Variants in ANKS1B observed in about 807,000 individuals in gnomAD.
ANKS1B encodes the protein ankyrin repeat and sterile alpha motif domain containing 1B.
In ANKS1B, 36 loss-of-function variants were observed where a neutral mutation model predicts 148.3. That is an observed-to-expected ratio of 0.24 (90% CI 0.19 to 0.32). ANKS1B has a LOEUF of 0.32. Among genes scored for constraint, ANKS1B ranks in the 10% least tolerant of loss-of-function variants. The probability of loss-of-function intolerance (pLI) is 1.00; values close to 1 mark genes in which losing one functional copy is unlikely to be tolerated. For synonymous variants in ANKS1B, 542 were observed against 560.8 expected (o/e 0.97, Z 0.47); for missense variants, 1,157 against 1,542.6 (o/e 0.75, Z 4.19).
At chr12:99,627,055 C>T (rs750019320) in intron 9 of ANKS1B, among the ~76,000 whole-genome samples, 3 of 152,082 alleles carry the variant, frequency 2.0e-5, no homozygotes, top group South Asian at 4.1e-4. Context: ...AGAATGTTAG[C>T]GCCTGATAAG....
intron 1 of ANKS1B, among the ~76,000 whole-genome samples, chr12:99,958,946 T>C (rs887282307): frequency 2.0e-5 from 3 of 152,054 alleles, no homozygotes; most frequent in African/African-American, 4.8e-5. Flanking sequence ...AGATGTTCAA[T>C]AGGACACCGG....
At chr12:99,281,796 C>T (rs1369733918) in intron 12 of ANKS1B, among the ~76,000 whole-genome samples, 1 of 152,156 alleles carries the variant, frequency 6.6e-6, no homozygotes, top group Admixed American at 6.6e-5. Flanking sequence ...TTAATTCATT[C>T]ATCACTATTA....
intron 17 of ANKS1B, among the ~76,000 whole-genome samples, chr12:98,884,399 T>C (rs1367991686): frequency 6.6e-6 from 1 of 152,262 alleles, no homozygotes; most frequent in African/African-American, 2.4e-5. Context: ...AAAGAGTTCA[T>C]ACATATGTAC....
At chr12:99,775,835 G>A (rs1293073960) in intron 6 of ANKS1B, among the ~76,000 whole-genome samples, 174 bp from the exon 7 acceptor site, 2 of 151,950 alleles carry the variant, frequency 1.3e-5, no homozygotes, top group Non-Finnish European at 2.9e-5. Context: ...ACGCCATGAT[G>A]AGCTATTTAA....
intron 22 of ANKS1B, among the ~76,000 whole-genome samples, chr12:98,788,496 T>A (rs2098818455): frequency 6.6e-6 from 1 of 152,204 alleles, no homozygotes; most frequent in Non-Finnish European, 1.5e-5. Context: ...AGGACTTTTC[T>A]GGTCATAGGA....
chr12:99,441,005 C>G (rs1477123733), intron 11 of ANKS1B, among the ~76,000 whole-genome samples: 1 of 151,732 alleles, frequency 6.6e-6, no homozygotes, highest in African/African-American at 2.4e-5. Flanking sequence ...GAATAAGGGT[C>G]ACATTTACAT....
intron 10 of ANKS1B, among the ~76,000 whole-genome samples, chr12:99,480,729 T>C (rs1307527581): frequency 6.6e-6 from 1 of 151,868 alleles, no homozygotes; most frequent in Non-Finnish European, 1.5e-5. Flanking sequence ...TTGTATTCAA[T>C]GAACAGTTGT....
intron 22 of ANKS1B, among the ~76,000 whole-genome samples, chr12:98,784,211 C>G (rs1320090912): frequency 6.6e-6 from 1 of 152,132 alleles, no homozygotes; most frequent in Non-Finnish European, 1.5e-5. Context: ...GGAAATCCAC[C>G]TACATACATG....
intron 15 of ANKS1B, among the ~76,000 whole-genome samples, chr12:99,148,438 A>G (rs2073896203): frequency 1.3e-5 from 2 of 151,594 alleles, no homozygotes; most frequent in Non-Finnish European, 2.9e-5. Flanking sequence ...TCTGAAAGCC[A>G]TTCTTCTAAG....
chr12:99,918,508 G>A (rs1261119696), intron 1 of ANKS1B, among the ~76,000 whole-genome samples: 3 of 152,162 alleles, frequency 2.0e-5, no homozygotes, highest in African/African-American at 7.2e-5. Context: ...TGAGGAATGA[G>A]GCACGAGGAA....
At chr12:98,926,108 T>C (rs1406353988) in intron 17 of ANKS1B, among the ~76,000 whole-genome samples, 1 of 152,152 alleles carries the variant, frequency 6.6e-6, no homozygotes, top group Non-Finnish European at 1.5e-5. Context: ...CTCTCATCTC[T>C]AGTTGACTTT....
intron 9 of ANKS1B, among the ~76,000 whole-genome samples, chr12:99,536,077 G>C (rs986399910): frequency 2.0e-5 from 3 of 152,120 alleles, no homozygotes; most frequent in Non-Finnish European, 4.4e-5. Context: ...CAGCTCCCTG[G>C]AAAAGCTCCA....
chr12:99,855,629 G>A (rs1002303279), intron 1 of ANKS1B, among the ~76,000 whole-genome samples: 3 of 152,062 alleles, frequency 2.0e-5, no homozygotes, highest in African/African-American at 7.2e-5. Flanking sequence ...ATCAGCACAT[G>A]GAACATTCTC....
At chr12:99,592,111 T>G (rs1342266679) in intron 9 of ANKS1B, among the ~76,000 whole-genome samples, 1 of 152,188 alleles carries the variant, frequency 6.6e-6, no homozygotes, top group African/African-American at 2.4e-5. Flanking sequence ...ACTGTCATTC[T>G]GTTCATACTA....
chr12:98,785,710 G>A (rs1350618820), intron 22 of ANKS1B, among the ~76,000 whole-genome samples: 3 of 152,076 alleles, frequency 2.0e-5, no homozygotes, highest in East Asian at 1.9e-4. Context: ...GGACGAAGGC[G>A]CCTACTCTGA....
At chr12:99,847,454 T>C (rs1298545651) in intron 1 of ANKS1B, among the ~76,000 whole-genome samples, 2 of 152,186 alleles carry the variant, frequency 1.3e-5, no homozygotes, top group African/African-American at 2.4e-5. Context: ...TACTGTCTGA[T>C]AGTAGGTCAT....
At chr12:98,974,542 G>A (rs2099888890) in intron 17 of ANKS1B, among the ~76,000 whole-genome samples, 1 of 150,640 alleles carries the variant, frequency 6.6e-6, no homozygotes, top group East Asian at 1.9e-4. Flanking sequence ...AATTGAAGGA[G>A]AAATAGTATA....
chr12:98,828,207 C>A (rs192006485), intron 19 of ANKS1B, among the ~76,000 whole-genome samples: 1 of 152,326 alleles, frequency 6.6e-6, no homozygotes, highest in African/African-American at 2.4e-5. Flanking sequence ...CCCAAGGCAT[C>A]TGCAGGCAGA....
chr12:98,793,200 G>C (rs919218186), intron 22 of ANKS1B, among the ~76,000 whole-genome samples: 4 of 152,144 alleles, frequency 2.6e-5, no homozygotes, highest in Non-Finnish European at 5.9e-5. Flanking sequence ...TTTCCCTAGT[G>C]ATTCACTTTG....
Sources: gnomAD v4.1 joint callset for allele counts (sites outside exome capture counted in the v4.1 genomes callset) on GRCh38, gnomAD v4.1.1 for gene constraint, MANE v1.5 for transcripts, NCBI Gene and HGNC (gene_info 2026-07-23, HGNC 2026-07-21) for gene names.